ST6GALNAC5: variants seen among roughly 807,000 people sequenced by gnomAD.
The protein encoded by ST6GALNAC5 is alpha-N-acetylgalactosaminide alpha-2,6-sialyltransferase 5.
Under a neutral mutation model 33.6 loss-of-function variants are expected in ST6GALNAC5, and 27 were observed. That is an observed-to-expected ratio of 0.80 (90% CI 0.59 to 1.11). The LOEUF is 1.11. ST6GALNAC5 is among the 50% of genes least tolerant of loss of function. The pLI is 0.00. For missense variants in ST6GALNAC5, 428 were observed against 454.0 expected, an observed-to-expected ratio of 0.94 and a Z score of 0.52; for synonymous variants, 194 against 171.2, an observed-to-expected ratio of 1.13 and a Z score of -1.04.
At chr1:77,054,661 G>A (rs942320282) in intron 4 of ST6GALNAC5, among the ~76,000 whole-genome samples, 3 of 152,092 alleles carry the variant, frequency 2.0e-5, no homozygotes, top group Non-Finnish European at 2.9e-5. Context: ...TTATATCTTG[G>A]GGGAGCAAAC....
intron 2 of ST6GALNAC5, among the ~76,000 whole-genome samples, chr1:76,891,982 C>T (rs934610831): frequency 6.6e-6 from 1 of 152,178 alleles, no homozygotes. Context: ...AAATGATTAT[C>T]ACGGGCCATG....
At chr1:76,869,002 A>G in intron 2 of ST6GALNAC5, 1 of 471,230 alleles carries the variant, frequency 2.1e-6, no homozygotes. Flanking sequence ...TCGGCCCTGG[A>G]ACTAGAACTC....
At chr1:77,010,705 AC>A (rs1162606045) in intron 2 of ST6GALNAC5, among the ~76,000 whole-genome samples, 1 of 112,290 alleles carries the variant, frequency 8.9e-6, no homozygotes, top group East Asian at 2.9e-4. Flanking sequence ...CAATCGTTTG[AC>A]CCTGTGGCTC....
chr1:76,932,288 G>A (rs779231564), intron 2 of ST6GALNAC5, among the ~76,000 whole-genome samples: 5 of 152,084 alleles, frequency 3.3e-5, no homozygotes, highest in Admixed American at 6.6e-5. Context: ...GGAATATGCC[G>A]AGTGGCATCA....
At chr1:76,975,417 G>C (rs1291842561) in intron 2 of ST6GALNAC5, among the ~76,000 whole-genome samples, 1 of 152,156 alleles carries the variant, frequency 6.6e-6, no homozygotes, top group East Asian at 1.9e-4. Context: ...GGAGTAAACT[G>C]CACTTGGTGA....
intron 2 of ST6GALNAC5, among the ~76,000 whole-genome samples, chr1:76,914,771 A>T (rs1019761522): frequency 5.6e-4 from 86 of 152,332 alleles, no homozygotes; most frequent in African/African-American, 2.0e-3. Flanking sequence ...CATTCAGGAC[A>T]TAGGCATGGG....
chr1:77,034,593 G>A (rs958647721), intron 2 of ST6GALNAC5, among the ~76,000 whole-genome samples: 6 of 152,130 alleles, frequency 3.9e-5, no homozygotes, highest in Non-Finnish European at 8.8e-5. Context: ...CAGCTTCTGG[G>A]GTAAGCAAAA....
chr1:76,901,621 C>T (rs1052076765), intron 2 of ST6GALNAC5, among the ~76,000 whole-genome samples: 3 of 152,084 alleles, frequency 2.0e-5, no homozygotes, highest in Non-Finnish European at 2.9e-5. Flanking sequence ...AGGCCTTTTG[C>T]GTGAGAAATG....
chr1:76,896,139 G>A (rs1654128099), intron 2 of ST6GALNAC5, among the ~76,000 whole-genome samples: 2 of 152,202 alleles, frequency 1.3e-5, no homozygotes, highest in East Asian at 3.8e-4. Context: ...ATAGACATGG[G>A]AAGGCTAAAC....
intron 2 of ST6GALNAC5, among the ~76,000 whole-genome samples, chr1:77,023,957 A>T (rs953634971): frequency 6.6e-6 from 1 of 152,192 alleles, no homozygotes; most frequent in African/African-American, 2.4e-5. Flanking sequence ...ATTCAGCCTC[A>T]GTTATATCTA....
rs114067475 is a variant in ST6GALNAC5, at chr1:76,945,460, C to A, written c.261+76718C>A. 4.6e-5 allele frequency among the ~76,000 whole-genome samples: 7 copies of A among 152,200 alleles called. No homozygotes were observed. The East Asian group carries it at 1.2e-3, about 25-fold the overall frequency. ...TGAACCAAAGTCATAAATCATCCCC[C>A]TCTATTCCCTATTTTTCAGGTGTTA... is the stretch of plus-strand genomic sequence containing the variant. On this transcript the variant is annotated intron_variant, in intron 2 of 4. Transcript: ENST00000477717.
intron 2 of ST6GALNAC5, among the ~76,000 whole-genome samples, chr1:76,926,083 G>T (rs1647082736): frequency 6.6e-6 from 1 of 152,156 alleles, no homozygotes; most frequent in Non-Finnish European, 1.5e-5. Flanking sequence ...TGCCTCGCAG[G>T]ATCAGAAGAA....
At chr1:76,878,542 A>G (rs1184618342) in intron 2 of ST6GALNAC5, among the ~76,000 whole-genome samples, 2 of 152,178 alleles carry the variant, frequency 1.3e-5, no homozygotes, top group African/African-American at 4.8e-5. Context: ...CCCAGTGCAC[A>G]GGTACCCTGG....
chr1:77,014,836 T>G (rs1502531), intron 2 of ST6GALNAC5, among the ~76,000 whole-genome samples: 2,825 of 152,238 alleles, frequency 0.019, 51 homozygotes, highest in Admixed American at 0.063. Flanking sequence ...AAATGATCAC[T>G]TTTTCCTCAC....
At chr1:77,062,819 C>T (rs1302356202) in intron 4 of ST6GALNAC5, among the ~76,000 whole-genome samples, 156 bp from the exon 5 acceptor site, 1 of 152,118 alleles carries the variant, frequency 6.6e-6, no homozygotes, top group African/African-American at 2.4e-5. Flanking sequence ...AACCTCTCCA[C>T]TTCCTTATTG....
intron 4 of ST6GALNAC5, among the ~76,000 whole-genome samples, chr1:77,052,985 G>T (rs1652280280): frequency 6.6e-6 from 1 of 150,420 alleles, no homozygotes; most frequent in South Asian, 2.1e-4. Flanking sequence ...GCCTCCTGGA[G>T]GCTTATAATA....
chr1:76,994,652 T>TATTATGGGTCGCC (rs143874943), intron 2 of ST6GALNAC5, among the ~76,000 whole-genome samples: 319 of 152,364 alleles, frequency 2.1e-3, no homozygotes, highest in African/African-American at 7.4e-3. Context: ...ATTGGGTTGC[T>TATTATGGGTCGCC]ATTATGGGTC....
intron 2 of ST6GALNAC5, among the ~76,000 whole-genome samples, chr1:77,004,131 A>T (rs1650289318): frequency 1.3e-5 from 2 of 151,734 alleles, no homozygotes; most frequent in East Asian, 3.9e-4. Context: ...AAGTACACCA[A>T]TCAGACGTAG....
At chr1:76,910,945 A>T (rs1004674044) in intron 2 of ST6GALNAC5, among the ~76,000 whole-genome samples, 9 of 152,178 alleles carry the variant, frequency 5.9e-5, no homozygotes, top group African/African-American at 2.2e-4. Flanking sequence ...AAAATGAGGC[A>T]TTCATCAAGC....
Sources: allele counts gnomAD v4.1 joint callset (sites outside exome capture counted in the v4.1 genomes callset), GRCh38; gene constraint gnomAD v4.1.1; transcripts MANE v1.5; gene names NCBI Gene and HGNC (gene_info 2026-07-23, HGNC 2026-07-21).